RAI1: variants seen among roughly 807,000 people sequenced by gnomAD.
RAI1 encodes retinoic acid-induced protein 1.
A neutral mutation model predicts 123.8 loss-of-function variants in RAI1; 9 were observed. That is an observed-to-expected ratio of 0.07 (90% CI 0.04 to 0.13). The LOEUF is 0.13. Among genes scored for constraint, RAI1 ranks in the 10% least tolerant of loss-of-function variants. The pLI, the probability that RAI1 is intolerant of heterozygous loss-of-function variation, is 1.00. For missense variants in RAI1, 2,256 were observed against 2,545.8 expected (o/e 0.89, Z 2.45); for synonymous variants, 1,231 against 1,127.3 (o/e 1.09, Z -1.84).
chr17:17,759,277 TG>T (rs2030581512), intron 2 of RAI1: 1 of 152,222 alleles, frequency 6.6e-6, no homozygotes, highest in Non-Finnish European at 1.5e-5. Context: ...CAGGTCAGAG[TG>T]GCCAACTACG....
Position 17,800,979 on chromosome 17 carries a change from G to T in RAI1, c.5565+2466G>T, listed in dbSNP as rs1274212441. Among the ~76,000 whole-genome samples the T allele has an allele frequency of 6.6e-6, 1 of 152,180 alleles. No homozygotes were observed. Among genetic ancestry groups the T allele is most frequent in the Non-Finnish European group, 1.5e-5 (1 of 68,032 alleles). On this transcript the variant is annotated intron_variant, in intron 3 of 5. Coordinates refer to ENST00000353383, the MANE Select transcript of RAI1 (RefSeq NM_030665.4). This position sits in a 1 kb window ranked among gnomAD's most constrained non-coding sequence, Gnocchi z 4.7. Reference sequence around the variant, plus strand: ...GATTGTGGGGTTCTGTGGATCATGTGGGACCTGCCTGGCATGTGGAAGGGG... The same window carrying T: ...GATTGTGGGGTTCTGTGGATCATGTTGGACCTGCCTGGCATGTGGAAGGGG...
Position 17,793,762 on chromosome 17 carries a change from G to T in RAI1, c.814G>T (p.Gly272Cys), listed in dbSNP as rs750995270. 1.2e-5 allele frequency: 20 copies of T among 1,609,780 alleles called. No homozygotes were observed. In the South Asian group the frequency reaches 2.2e-4, roughly 18 times the overall value. The change falls in exon 3 of 6, where the codon GGC (glycine) becomes TGC (cysteine). Residue 272 changes from glycine to cysteine, a missense_variant. By Grantham distance (159) the Gly-to-Cys change is radical (BLOSUM62 -3). Coordinates refer to ENST00000353383, the MANE Select transcript of RAI1 (RefSeq NM_030665.4). ...CCAGAATCTTCATGCCTACCAGTCGGGCCGCCTCAGCTATGACCAGCAGCA... is the reference window on the plus strand; with the variant it reads ...CCAGAATCTTCATGCCTACCAGTCGTGCCGCCTCAGCTATGACCAGCAGCA... ...RVQNLHAYQS[G>C]RLSYDQQQQQ... is the part of the protein sequence containing the mutation.
intron 1 of RAI1, chr17:17,684,272 C>G (rs1758061547): frequency 6.6e-6 from 1 of 152,108 alleles, no homozygotes; most frequent in Non-Finnish European, 1.5e-5. Flanking sequence ...ACAGGTCACA[C>G]TGTATATAGC....
rs775231394 is a variant in RAI1 at position 17,793,923 on chromosome 17, C to T, written c.975C>T (p.Asp325=). Residue 325 remains aspartate (D), a synonymous_variant, in exon 3 of 6, where the codon GAC becomes GAT. Transcript: ENST00000353383. Reference sequence around the variant, plus strand: ...AAGGCCAGGGCTACTGCCAGCCGGACGCAGCCGTCCGGACCCCAGAGCAGT... The same window carrying T: ...AAGGCCAGGGCTACTGCCAGCCGGATGCAGCCGTCCGGACCCCAGAGCAGT... The part of the protein sequence containing the change: ...GQQGQGYCQP[D]AAVRTPEQYY... 1.1e-5 allele frequency: 17 copies of T among 1,613,758 alleles called. No individual in the cohort carries two copies. The highest frequency in any genetic ancestry group is 2.2e-5 in the East Asian group (1 of 44,888).
intron 2 of RAI1, among the ~76,000 whole-genome samples, chr17:17,767,620 CTT>C (rs2030989634): frequency 6.6e-6 from 1 of 152,186 alleles, no homozygotes; most frequent in Non-Finnish European, 1.5e-5. Context: ...AAAAAAATGT[CTT>C]TGGAAGCTGG....
At position 17,799,799 on chromosome 17, in the gene RAI1, G is replaced by A. The variant is rs1456680455; in HGVS notation, c.5565+1286G>A. On this transcript the variant is annotated intron_variant, in intron 3 of 5. Coordinates refer to ENST00000353383, the MANE Select transcript of RAI1 (RefSeq NM_030665.4). This position sits in a 1 kb window ranked among gnomAD's most constrained non-coding sequence, Gnocchi z 4.5. ...CTGCCCAGCCTCCTCCCCCGTCGCT[G>A]CACTGCCCACCTGCTCCTCGCAGTA... Among the ~76,000 whole-genome samples, 2 of 151,768 alleles carry A rather than the reference G, an allele frequency of 1.3e-5. No homozygotes were observed. The highest frequency in any genetic ancestry group is 6.6e-5 in the Admixed American group (1 of 15,240).
At chr17:17,704,959 T>C (rs1286882592) in intron 1 of RAI1, among the ~76,000 whole-genome samples, 3 of 152,114 alleles carry the variant, frequency 2.0e-5, no homozygotes, top group East Asian at 3.9e-4. Context: ...TTCATGGCCA[T>C]GAGGATCCAC....
chr17:17,785,689 G>C (rs572707085), intron 2 of RAI1, among the ~76,000 whole-genome samples: 1 of 152,092 alleles, frequency 6.6e-6, no homozygotes, highest in Non-Finnish European at 1.5e-5. Flanking sequence ...TTCCAAGGCC[G>C]CTGAGTGCAC....
At chr17:17,745,752 ACTC>A (rs1249977141) in intron 2 of RAI1, among the ~76,000 whole-genome samples, 2 of 150,822 alleles carry the variant, frequency 1.3e-5, no homozygotes, top group Non-Finnish European at 3.0e-5. Flanking sequence ...GTTTTTAAAA[ACTC>A]TTTCTCCAGC....
Position 17,793,596 on chromosome 17 carries a change from C to G in RAI1, c.648C>G (p.Phe216Leu), listed in dbSNP as rs144217984. ...GTHFPQHSQS[F>L]PTSSTYSSSV... Reference sequence around the variant, plus strand: ...ACTTTCCTCAGCATTCCCAGTCCTTCCCCACCTCCTCCACCTACTCCTCCT... The same window carrying G: ...ACTTTCCTCAGCATTCCCAGTCCTTGCCCACCTCCTCCACCTACTCCTCCT... The change falls in exon 3 of 6, where the codon TTC (phenylalanine) becomes TTG (leucine). Residue 216 changes from phenylalanine (F) to leucine (L), a missense_variant. Phe to Leu is a conservative substitution (Grantham distance 22, BLOSUM62 0). Coordinates refer to ENST00000353383, the MANE Select transcript of RAI1 (RefSeq NM_030665.4). 5 of 1,613,718 alleles carry G rather than the reference C, an allele frequency of 3.1e-6. No individual in the cohort carries two copies. The African/African-American group carries it at 5.3e-5, about 17-fold the overall frequency.
rs528119199 is a variant in RAI1, at chr17:17,809,095, G to C, written c.5660-295G>C. 3.6e-5 allele frequency: 18 copies of C among 499,884 alleles called. No homozygotes were observed. The highest frequency in any genetic ancestry group is 5.5e-5 in the Non-Finnish European group (15 of 272,142). The allele number at this position is 499,884 out of a possible 1,614,324, so 31.0% of individuals were successfully genotyped here. On this transcript the variant is annotated intron_variant, in intron 4 of 5. Transcript: ENST00000353383. The surrounding 1 kb of genome is among the most constrained non-coding windows in gnomAD (Gnocchi z 4.9). ...CTGGCAGAGTAAGGCGGGAGGGAGG[G>C]AGGGACTGAGGGACTGCCTCAAGTG... is the stretch of plus-strand genomic sequence containing the variant.
At chr17:17,753,240 G>A (rs1231187583) in intron 2 of RAI1, among the ~76,000 whole-genome samples, 2 of 152,242 alleles carry the variant, frequency 1.3e-5, no homozygotes, top group African/African-American at 4.8e-5. Context: ...GGCTGGAGGG[G>A]CCTGGAGTGA....
chr17:17,729,330 C>T (rs1045105936), intron 2 of RAI1, among the ~76,000 whole-genome samples: 1 of 152,192 alleles, frequency 6.6e-6, no homozygotes, highest in African/African-American at 2.4e-5. Context: ...AACCAGACGA[C>T]CCTCCACCTC....
chr17:17,793,601 C>A lies in RAI1; in HGVS notation c.653C>A (p.Thr218Asn). Residue 218 changes from threonine to asparagine, a missense_variant, in exon 3 of 6, where the codon ACC becomes AAC. Coordinates refer to ENST00000353383, the MANE Select transcript of RAI1 (RefSeq NM_030665.4). The stretch of plus-strand genomic sequence containing the variant: ...CCTCAGCATTCCCAGTCCTTCCCCA[C>A]CTCCTCCACCTACTCCTCCTCTGTC... ...HFPQHSQSFP[T>N]SSTYSSSVQG... 1.2e-6 allele frequency: 2 copies of A among 1,613,642 alleles called. No individual in the cohort carries two copies. Among genetic ancestry groups the A allele is most frequent in the Non-Finnish European group, 1.7e-6 (2 of 1,180,000 alleles).
At chr17:17,746,705 G>A (rs1385147463) in intron 2 of RAI1, among the ~76,000 whole-genome samples, 1 of 140,228 alleles carries the variant, frequency 7.1e-6, no homozygotes, top group Non-Finnish European at 1.5e-5. Flanking sequence ...GTGCTATCTC[G>A]GCTCACCACA....
chr17:17,782,728 AG>A (rs2031640134), intron 2 of RAI1, among the ~76,000 whole-genome samples: 1 of 150,464 alleles, frequency 6.6e-6, no homozygotes, highest in Non-Finnish European at 1.5e-5. Flanking sequence ...CTGGAGGAAG[AG>A]GTCTCGGCCT....
chr17:17,697,115 C>T (rs777937641), intron 1 of RAI1, among the ~76,000 whole-genome samples: 9 of 152,226 alleles, frequency 5.9e-5, no homozygotes, highest in Non-Finnish European at 7.3e-5. Context: ...TATTCCAGAA[C>T]GGTTCAATTC....
At chr17:17,808,414 A>ATTTTATTATTTTATTTTATTTTATT (rs1266596226) in intron 4 of RAI1, among the ~76,000 whole-genome samples, 7 of 125,894 alleles carry the variant, frequency 5.6e-5, no homozygotes, top group African/African-American at 2.3e-4. Context: ...ATTTTATTTT[A>ATTTTATTATTTTATTTTATTTTATT]TTATTTTATT....
intron 1 of RAI1, among the ~76,000 whole-genome samples, chr17:17,715,794 C>G (rs371357415): frequency 1.3e-5 from 2 of 152,140 alleles, no homozygotes; most frequent in African/African-American, 4.8e-5. Context: ...GTGCCCGATC[C>G]GATCCTCGCC....
Sources: allele counts gnomAD v4.1 joint callset (sites outside exome capture counted in the v4.1 genomes callset), GRCh38; gene constraint gnomAD v4.1.1; non-coding constraint Gnocchi (gnomAD v3.1); transcripts MANE v1.5; gene names NCBI Gene and HGNC (gene_info 2026-07-23, HGNC 2026-07-21).